Variants in CACNG6 observed in about 807,000 individuals in gnomAD.
The protein encoded by CACNG6 is voltage-dependent calcium channel gamma-6 subunit.
Under a neutral mutation model 23.9 loss-of-function variants are expected in CACNG6, and 21 were observed. The ratio of observed to expected loss-of-function variants is 0.88; its 90% CI spans 0.62 to 1.26. The LOEUF (loss-of-function observed/expected upper bound fraction) is 1.26. CACNG6 is among the 50% of genes most tolerant of loss of function. The probability of loss-of-function intolerance (pLI) is 0.00; values close to 1 mark genes in which losing one functional copy is unlikely to be tolerated. For missense variants in CACNG6, 340 were observed against 352.9 expected (o/e 0.96, Z 0.29); for synonymous variants, 182 against 168.9 (o/e 1.08, Z -0.60).
At chr19:53,994,590 A>G (rs999932680) in intron 1 of CACNG6, among the ~76,000 whole-genome samples, 2 of 152,068 alleles carry the variant, frequency 1.3e-5, no homozygotes, top group African/African-American at 4.8e-5. Context: ...ATATTTGATC[A>G]CCCATATGAG....
Position 53,991,797 on chromosome 19 carries a change from C to T in CACNG6, c.-1081C>T, listed in dbSNP as rs2069463050. On this transcript the variant is annotated 5_prime_UTR_variant, in exon 1 of 4. Coordinates refer to ENST00000252729, the MANE Select transcript of CACNG6 (RefSeq NM_145814.2). ...GGCCTGGGGCTGAGCCTGGCGCGAACCCGACCGGGAAGGCCCTGGGAGCCC... is the reference window on the plus strand; with the variant it reads ...GGCCTGGGGCTGAGCCTGGCGCGAATCCGACCGGGAAGGCCCTGGGAGCCC... Among the ~76,000 whole-genome samples the T allele has an allele frequency of 1.3e-5, 2 of 152,104 alleles. No homozygotes were observed. Among genetic ancestry groups the T allele is most frequent in the Non-Finnish European group, 2.9e-5 (2 of 67,994 alleles).
chr19:53,999,654 G>A lies in CACNG6; in HGVS notation c.427G>A (p.Val143Met). 1.2e-6 allele frequency: 2 copies of A among 1,613,798 alleles called. No individual in the cohort carries two copies. The highest frequency in any genetic ancestry group is 8.5e-7 in the Non-Finnish European group (1 of 1,179,966). The change falls in exon 3 of 4, where the codon GTG (valine) becomes ATG (methionine). Residue 143 changes from valine to methionine, a missense_variant. Transcript: ENST00000252729. ...GGCAGAGGTGAATCTGGCAGCTGCG[G>A]TGATAGCAGTGCTGGGCCTGGCAGT... The part of the protein sequence containing the change: ...TKKEVNLAAA[V>M]IAVLGLAVMA...
Position 54,011,997 on chromosome 19 carries a change from G to T in CACNG6, c.591G>T (p.Arg197Ser). Residue 197 changes from arginine (R) to serine (S), a missense_variant, in exon 4 of 4, where the codon AGG becomes AGT. Physicochemically the swap from Arg to Ser is moderately radical, Grantham distance 110. Coordinates refer to ENST00000252729, the MANE Select transcript of CACNG6 (RefSeq NM_145814.2). The stretch of plus-strand genomic sequence containing the variant: ...TGGAGGTGTTCCGGCATTCCGTGAG[G>T]GCCCTGCTGCAGAGAGTCAGCCCGG... ...VSLEVFRHSVRALLQRVSPEP... is the reference protein window; with the variant it reads ...VSLEVFRHSVSALLQRVSPEP... 6.3e-7 allele frequency: 1 copy of T among 1,595,314 alleles called. No homozygotes were observed.
intron 3 of CACNG6, among the ~76,000 whole-genome samples, chr19:54,003,200 G>C (rs1425935794): frequency 6.6e-6 from 1 of 152,084 alleles, no homozygotes; most frequent in South Asian, 2.1e-4. Context: ...GGCTCAGGGA[G>C]GGGGAGGCGG....
chr19:53,998,298 A>G lies in CACNG6; in HGVS notation c.391A>G (p.Arg131Gly). 6.2e-7 allele frequency: 1 copy of G among 1,613,974 alleles called. No homozygotes were observed. ...TTGENARIFQRTTKKEVNLAA... is the reference protein window; with the variant it reads ...TTGENARIFQGTTKKEVNLAA... The stretch of plus-strand genomic sequence containing the variant: ...GGGGGAGAATGCACGCATCTTTCAG[A>G]GAACCACAAAGAAAGGTGAGAACTT... The change falls in exon 2 of 4, where the codon AGA becomes GGA. Residue 131 changes from arginine (R) to glycine (G), a missense_variant. Physicochemically the swap from Arg to Gly is moderately radical, Grantham distance 125. Transcript: ENST00000252729.
Position 53,999,778 on chromosome 19 carries a change from G to T in CACNG6, c.544+7G>T. ...GTCTGCTTTGGCCTCTCAGGTGAGG[G>T]TTCAGAGCCTGGAGGCTGAGGACAT... On this transcript the variant is annotated splice_region_variant and intron_variant, in intron 3 of 3. Transcript: ENST00000252729. 6.2e-7 allele frequency: 1 copy of T among 1,613,262 alleles called. No individual in the cohort carries two copies. The highest frequency in any genetic ancestry group is 8.5e-7 in the Non-Finnish European group (1 of 1,179,840).
Position 54,012,073 on chromosome 19 carries a change from T to C in CACNG6, c.667T>C (p.Cys223Arg). ...CTACGAGTACTCCTGGTCCCTGGGC[T>C]GCGGCGTGGGGGCCGGCCTGATCCT... ...LTYEYSWSLG[C>R]GVGAGLILLL... Residue 223 changes from cysteine to arginine, a missense_variant, in exon 4 of 4, where the codon TGC becomes CGC. Cys to Arg is a radical substitution (Grantham distance 180). Coordinates refer to ENST00000252729, the MANE Select transcript of CACNG6 (RefSeq NM_145814.2). The C allele has an allele frequency of 2.5e-6, 4 of 1,595,166 alleles. No individual in the cohort carries two copies. Among genetic ancestry groups the C allele is most frequent in the Non-Finnish European group, 3.4e-6 (4 of 1,172,038 alleles).
intron 3 of CACNG6, among the ~76,000 whole-genome samples, chr19:54,011,041 A>G (rs1489224244): frequency 1.3e-5 from 2 of 151,024 alleles, no homozygotes; most frequent in Non-Finnish European, 2.9e-5. Flanking sequence ...CCATTTCAAA[A>G]TCCTCTCCTC....
At position 53,993,192 on chromosome 19, in the gene CACNG6, C is replaced by A. The variant is rs1209755527; in HGVS notation, c.315C>A (p.Pro105=). The A allele has an allele frequency of 6.5e-7, 1 of 1,541,250 alleles. No homozygotes were observed. Among genetic ancestry groups the A allele is most frequent in the Non-Finnish European group, 8.7e-7 (1 of 1,145,738 alleles). Residue 105 remains proline (P), a synonymous_variant, in exon 1 of 4, where the codon CCC becomes CCA. Transcript: ENST00000252729. ...DVPVDRDTCG[P]AELPGEANCT... ...CCGTGGACAGGGACACCTGCGGCCC[C>A]GCGGAGCTGCCCGGAGGTGAGCAGC...
intron 1 of CACNG6, among the ~76,000 whole-genome samples, chr19:53,995,850 C>T (rs60240839): frequency 0.031 from 4,725 of 152,154 alleles, 231 homozygotes; most frequent in African/African-American, 0.11. Flanking sequence ...TTAGTAGAGA[C>T]GGGGTTTCAC....
chr19:54,002,825 C>G (rs772495367), intron 3 of CACNG6, among the ~76,000 whole-genome samples: 1 of 152,084 alleles, frequency 6.6e-6, no homozygotes, highest in Non-Finnish European at 1.5e-5. Flanking sequence ...GGGACTGGGG[C>G]AGGTTGGGAT....
At chr19:54,009,910 CG>C (rs2069686954) in intron 3 of CACNG6, among the ~76,000 whole-genome samples, 1 of 148,544 alleles carries the variant, frequency 6.7e-6, no homozygotes. Context: ...GGTGTAAGAG[CG>C]AAACTCCGTC....
rs900606667 is a variant in CACNG6, at chr19:54,012,545, C to T, written c.*356C>T. ...GCCCCTTCATTTCCCAGGTCTGGAT[C>T]GATTCACTTGCCGGGAGAGACTTTT... is the stretch of plus-strand genomic sequence containing the variant. On this transcript the variant is annotated 3_prime_UTR_variant, in exon 4 of 4. Coordinates refer to ENST00000252729, the MANE Select transcript of CACNG6 (RefSeq NM_145814.2). The T allele has an allele frequency of 4.5e-5, 9 of 201,912 alleles. No individual in the cohort carries two copies. Among genetic ancestry groups the T allele is most frequent in the Admixed American group, 1.2e-4 (2 of 16,620 alleles). The allele number at this position is 201,912 out of a possible 1,614,324, so 12.5% of individuals were successfully genotyped here.
chr19:53,997,058 C>T (rs902368318), intron 1 of CACNG6, among the ~76,000 whole-genome samples: 2 of 151,148 alleles, frequency 1.3e-5, no homozygotes, highest in African/African-American at 2.4e-5. Flanking sequence ...TTGGTACAGA[C>T]GGGGTTTCAC....
intron 1 of CACNG6, among the ~76,000 whole-genome samples, chr19:53,997,710 C>T (rs1456220355): frequency 6.6e-6 from 1 of 152,158 alleles, no homozygotes; most frequent in Admixed American, 6.6e-5. Context: ...CCCAGGCTTC[C>T]TCTTTTGTGA....
chr19:53,999,874 C>G (rs2069558476), intron 3 of CACNG6, 103 bp downstream of exon 3: 2 of 1,394,038 alleles, frequency 1.4e-6, no homozygotes, highest in Non-Finnish European at 2.0e-6. Flanking sequence ...GTTGCACGCT[C>G]AGAGATGGAA....
chr19:54,004,338 TGTGTGTGTGTGTGTGTGTG>T (rs2069614241), intron 3 of CACNG6, among the ~76,000 whole-genome samples: 16 of 20,722 alleles, frequency 7.7e-4, no homozygotes, highest in South Asian at 2.9e-3. Flanking sequence ...TGTATTTTTG[TGTGTGTGTGTGTGTGTGTG>T]TGTGTGTGTG....
In CACNG6 at chr19:53,992,779, C is replaced by T. The variant is rs932070811; in HGVS notation, c.-99C>T. The T allele has an allele frequency of 1.4e-6, 1 of 731,716 alleles. No individual in the cohort carries two copies. 45.3% of individuals were successfully genotyped at this position (731,716 alleles called of 1,614,324 possible). A position where few individuals can be genotyped will look rare whatever the true frequency, so the allele number is the denominator to read the frequency against. On this transcript the variant is annotated 5_prime_UTR_variant, in exon 1 of 4. Coordinates refer to ENST00000252729, the MANE Select transcript of CACNG6 (RefSeq NM_145814.2). The surrounding 1 kb of genome is among the most constrained non-coding windows in gnomAD (Gnocchi z 4.1). ...TTCATACCCAGGGGAAACTGAGTCC[C>T]TCACCCCCTTCAAGACCCCAGGCCG...
intron 3 of CACNG6, among the ~76,000 whole-genome samples, chr19:54,007,852 A>G (rs562810764): frequency 3.6e-4 from 54 of 151,710 alleles, no homozygotes; most frequent in African/African-American, 1.2e-3. Context: ...GTGAGCTATG[A>G]TCGCGCCACT....
Sources: gnomAD v4.1 joint callset for allele counts (sites outside exome capture counted in the v4.1 genomes callset) on GRCh38, gnomAD v4.1.1 for gene constraint, Gnocchi (gnomAD v3.1) non-coding constraint, MANE v1.5 for transcripts, NCBI Gene and HGNC (gene_info 2026-07-23, HGNC 2026-07-21) for gene names.